Variants in TTL observed in about 807,000 individuals in gnomAD.
TTL encodes tubulin tyrosine ligase, also known as tubulin--tyrosine ligase.
In TTL, 10 loss-of-function variants were observed where a neutral mutation model predicts 41.1. That is an observed-to-expected ratio of 0.24 (90% CI 0.15 to 0.41). The LOEUF is 0.41. Among genes scored for constraint, TTL ranks in the 10% least tolerant of loss-of-function variants. The probability of loss-of-function intolerance (pLI) is 1.00; values close to 1 mark genes in which losing one functional copy is unlikely to be tolerated. For missense variants in TTL, 367 were observed against 460.4 expected (o/e 0.80, Z 1.86); for synonymous variants, 175 against 175.5 (o/e 1.00, Z 0.02).
At chr2:112,483,838 C>T (rs1325655016) in intron 1 of TTL, 2 of 152,122 alleles carry the variant, frequency 1.3e-5, no homozygotes, top group Non-Finnish European at 2.9e-5. Flanking sequence ...ATTTGAACAC[C>T]CAGAAATCTT....
intron 2 of TTL, among the ~76,000 whole-genome samples, chr2:112,488,222 C>G (rs1242072911): frequency 1.3e-5 from 2 of 152,216 alleles, no homozygotes; most frequent in Admixed American, 6.5e-5. Context: ...TTTTCCTCTC[C>G]TGAGCATTGC....
At chr2:112,506,812 T>C (rs1193423976) in intron 5 of TTL, among the ~76,000 whole-genome samples, 14 of 81,828 alleles carry the variant, frequency 1.7e-4, no homozygotes, top group Middle Eastern at 5.3e-3. Context: ...GTGTCTCTAT[T>C]TCCTTCAGTT....
In TTL at chr2:112,494,221, C is replaced by G; in HGVS notation, c.315C>G (p.Leu105=). The change falls in exon 3 of 7, where the codon CTC becomes CTG. Residue 105 remains leucine (L), a synonymous_variant. Transcript: ENST00000233336. ...CTTATGTGATTTATCCAACCAATCTCAAGACTCCAGTTGCTCCAGCACAGA... is the reference window on the plus strand; with the variant it reads ...CTTATGTGATTTATCCAACCAATCTGAAGACTCCAGTTGCTCCAGCACAGA... ...PESYVIYPTN[L]KTPVAPAQNG... 1 of 1,614,212 alleles carries G rather than the reference C, an allele frequency of 6.2e-7. No homozygotes were observed. The highest frequency in any genetic ancestry group is 8.5e-7 in the Non-Finnish European group (1 of 1,180,036).
At chr2:112,492,921 T>C (rs1681428718) in intron 2 of TTL, among the ~76,000 whole-genome samples, 2 of 151,974 alleles carry the variant, frequency 1.3e-5, no homozygotes, top group Admixed American at 1.3e-4. Context: ...AAATAAAAAA[T>C]TAAACTTTAA....
In TTL at chr2:112,528,748, G is replaced by T. The variant is rs768633270; in HGVS notation, c.1087G>T (p.Asp363Tyr). The T allele has an allele frequency of 1.2e-6, 2 of 1,614,052 alleles. No homozygotes were observed. The highest frequency in any genetic ancestry group is 2.7e-5 in the African/African-American group (2 of 74,938). ...CATTTCCAGTGTCTTCCCACCCCCAGATGTGGAGCAACCTCAGACCCAGCC... is the reference window on the plus strand; with the variant it reads ...CATTTCCAGTGTCTTCCCACCCCCATATGTGGAGCAACCTCAGACCCAGCC... ...IAISSVFPPP[D>Y]VEQPQTQPAA... is the part of the protein sequence containing the mutation. Residue 363 changes from aspartate (D) to tyrosine (Y), a missense_variant, in exon 7 of 7, where the codon GAT (aspartate) becomes TAT (tyrosine). Transcript: ENST00000233336.
Position 112,482,344 on chromosome 2 carries a change from C to T in TTL, c.-1C>T, listed in dbSNP as rs1681112421. 1.3e-6 allele frequency: 2 copies of T among 1,540,234 alleles called. No homozygotes were observed. Among genetic ancestry groups the T allele is most frequent in the East Asian group, 5.1e-5 (2 of 39,174 alleles). ...GCGGCCCGGGCGCGCGGCGCTTCGC[C>T]ATGTACACCTTCGTGGTACGCGATG... On this transcript the variant is annotated 5_prime_UTR_variant, in exon 1 of 7. Coordinates refer to ENST00000233336, the MANE Select transcript of TTL (RefSeq NM_153712.5). This position sits in a 1 kb window ranked among gnomAD's most constrained non-coding sequence, Gnocchi z 5.3.
In TTL at chr2:112,482,219, T is replaced by C; in HGVS notation, c.-126T>C. 1.7e-6 allele frequency: 1 copy of C among 588,612 alleles called. No homozygotes were observed. The highest frequency in any genetic ancestry group is 2.1e-6 in the Non-Finnish European group (1 of 473,678). The allele number at this position is 588,612 out of a possible 1,614,324, so 36.5% of individuals were successfully genotyped here. Reference sequence around the variant, plus strand: ...CGCCGCCGGCACCCGAGAGGCGCGGTAGCCGGCGCGGGCGGCGGGGGCCGG... The same window carrying C: ...CGCCGCCGGCACCCGAGAGGCGCGGCAGCCGGCGCGGGCGGCGGGGGCCGG... On this transcript the variant is annotated 5_prime_UTR_variant, in exon 1 of 7. Coordinates refer to ENST00000233336, the MANE Select transcript of TTL (RefSeq NM_153712.5). The surrounding 1 kb of genome is among the most constrained non-coding windows in gnomAD (Gnocchi z 5.3).
In TTL at chr2:112,501,276, C is replaced by T. The variant is rs755697005; in HGVS notation, c.540C>T (p.His180=). 55 of 1,613,534 alleles carry T rather than the reference C, an allele frequency of 3.4e-5. No homozygotes were observed. The South Asian group carries it at 4.0e-4, about 12-fold the overall frequency. ...TCATAGACAACCAGGGCCAAGTGCA[C>T]GTGATCCAGAAATATCTTGAGCACC... The part of the protein sequence containing the change: ...LDFIDNQGQV[H]VIQKYLEHPL... The change falls in exon 4 of 7, where the codon CAC becomes CAT. Residue 180 remains histidine, a synonymous_variant. Coordinates refer to ENST00000233336, the MANE Select transcript of TTL (RefSeq NM_153712.5).
chr2:112,486,123 T>C (rs1681232355), intron 2 of TTL, 128 bp downstream of exon 2: 3 of 900,354 alleles, frequency 3.3e-6, no homozygotes, highest in Non-Finnish European at 5.0e-6. Flanking sequence ...AGAAGCTTCC[T>C]CTAAGCCGCT....
chr2:112,535,101 A>ATT lies in TTL; in HGVS notation c.*6306_*6307insTT, dbSNP rs879567351. ...AGAAAGAAAAGAAAAAAGGAAAGAA[A>ATT]GTTAGTTTATAAAATAGAACCAAGT... On this transcript the variant is annotated 3_prime_UTR_variant, in exon 7 of 7. Transcript: ENST00000233336. The ATT allele has an allele frequency of 8.7e-5, 13 of 149,308 alleles. No individual in the cohort carries two copies. Among genetic ancestry groups the ATT allele is most frequent in the Non-Finnish European group, 1.8e-4 (12 of 68,012 alleles). 9.2% of individuals were successfully genotyped at this position (149,308 alleles called of 1,614,324 possible). A position where few individuals can be genotyped will look rare whatever the true frequency, so the allele number is the denominator to read the frequency against.
rs1354728080 is a variant in TTL at position 112,482,432 on chromosome 2, C to G, written c.88C>G (p.Leu30Val). ...LLLATGHWKR[L>V]RRDNPRFNLM... ...CCTCGCCACCGGCCACTGGAAGAGG[C>G]TGCGGCGAGACAACCCCAGATTCAA... The change falls in exon 1 of 7, where the codon CTG becomes GTG. Residue 30 changes from leucine to valine, a missense_variant. Coordinates refer to ENST00000233336, the MANE Select transcript of TTL (RefSeq NM_153712.5). The surrounding 1 kb of genome is among the most constrained non-coding windows in gnomAD (Gnocchi z 5.3). 4 of 1,611,056 alleles carry G rather than the reference C, an allele frequency of 2.5e-6. No individual in the cohort carries two copies. The highest frequency in any genetic ancestry group is 2.2e-5 in the South Asian group (2 of 90,446).
intron 2 of TTL, among the ~76,000 whole-genome samples, chr2:112,489,353 A>G (rs1414106711): frequency 6.6e-6 from 1 of 152,358 alleles, no homozygotes; most frequent in Middle Eastern, 3.4e-3. Context: ...CAAGTTGTAC[A>G]TAAAAGTTTT....
At position 112,491,371 on chromosome 2, in the gene TTL, A is replaced by T. The variant is rs145775855; in HGVS notation, c.237-2772A>T. On this transcript the variant is annotated intron_variant, in intron 2 of 6. Coordinates refer to ENST00000233336, the MANE Select transcript of TTL (RefSeq NM_153712.5). ...TCCTTTGAGGCAAAACACCCAAAGT[A>T]TTAATTGGACAGCATCTTTTATGTC... Among the ~76,000 whole-genome samples the T allele has an allele frequency of 2.3e-3, 352 of 152,330 alleles. 5 individuals are homozygous for T. The highest frequency in any genetic ancestry group is 8.2e-3 in the African/African-American group (341 of 41,578).
intron 6 of TTL, among the ~76,000 whole-genome samples, chr2:112,527,598 A>G (rs189504228): frequency 2.9e-4 from 44 of 151,854 alleles, no homozygotes; most frequent in African/African-American, 9.4e-4. Flanking sequence ...ATCTTTGTTG[A>G]TTTAAAGTCT....
intron 4 of TTL, among the ~76,000 whole-genome samples, chr2:112,501,882 AAAATC>A (rs924461736): frequency 4.4e-5 from 6 of 137,370 alleles, no homozygotes; most frequent in Admixed American, 2.9e-4. Flanking sequence ...AAAAAAAAAA[AAAATC>A]TTTTCTATAA....
chr2:112,518,501 A>G (rs1682130167), intron 5 of TTL, among the ~76,000 whole-genome samples: 1 of 152,006 alleles, frequency 6.6e-6, no homozygotes, highest in African/African-American at 2.4e-5. Context: ...CTTTTTAGGA[A>G]AAAAGAAAAG....
chr2:112,503,131 G>T lies in TTL; in HGVS notation c.825G>T (p.Leu275Phe). The T allele has an allele frequency of 6.2e-7, 1 of 1,611,656 alleles. No individual in the cohort carries two copies. Among genetic ancestry groups the T allele is most frequent in the South Asian group, 1.1e-5 (1 of 90,952 alleles). ...TCAATCAGTACCTAACAAGTGCTTT[G>T]AACATTACCCTAGAAAGTAGTATCT... ...KEFNQYLTSA[L>F]NITLESSILL... Residue 275 changes from leucine to phenylalanine, a missense_variant, in exon 5 of 7, where the codon TTG (leucine) becomes TTT (phenylalanine). Transcript: ENST00000233336.
At chr2:112,523,993 G>A (rs372810434) in intron 6 of TTL, among the ~76,000 whole-genome samples, 2 of 151,930 alleles carry the variant, frequency 1.3e-5, no homozygotes, top group East Asian at 3.9e-4. Context: ...CCCATCCTAC[G>A]TCCAAGTGGT....
At chr2:112,515,411 A>G (rs190569589) in intron 5 of TTL, among the ~76,000 whole-genome samples, 13 of 152,110 alleles carry the variant, frequency 8.5e-5, no homozygotes, top group Admixed American at 6.6e-4. Flanking sequence ...GTCTGTTTCT[A>G]TTGTCTCTTT....
Sources: allele counts gnomAD v4.1 joint callset (sites outside exome capture counted in the v4.1 genomes callset), GRCh38; gene constraint gnomAD v4.1.1; non-coding constraint Gnocchi (gnomAD v3.1); transcripts MANE v1.5; gene names NCBI Gene and HGNC (gene_info 2026-07-23, HGNC 2026-07-21).